The following FRMD6 variants were observed in gnomAD, a reference collection of about 807,000 sequenced individuals.
FRMD6 encodes the protein FERM domain-containing protein 6.
In FRMD6, 37 loss-of-function variants were observed where a neutral mutation model predicts 73.2. The observed-to-expected ratio is 0.51, with a 90% CI of 0.39 to 0.66. The LOEUF is 0.66. FRMD6 is among the 30% of genes least tolerant of loss of function. The pLI, the probability that FRMD6 is intolerant of heterozygous loss-of-function variation, is 0.00. For missense variants in FRMD6, 714 were observed against 780.5 expected (o/e 0.91, Z 1.02); for synonymous variants, 273 against 282.2 (o/e 0.97, Z 0.33).
At chr14:51,503,130 T>C (rs1193060407) in intron 1 of FRMD6, among the ~76,000 whole-genome samples, 1 of 152,244 alleles carries the variant, frequency 6.6e-6, no homozygotes, top group Non-Finnish European at 1.5e-5. Flanking sequence ...TATAGAATCA[T>C]ATCATCTGCA....
intron 1 of FRMD6, among the ~76,000 whole-genome samples, chr14:51,508,296 G>A (rs940114222): frequency 5.3e-5 from 8 of 152,228 alleles, no homozygotes; most frequent in African/African-American, 1.4e-4. Context: ...CCCAGAGGCC[G>A]GCACTGGCAG....
At chr14:51,483,942 G>A in the FRMD6 span, among the ~76,000 whole-genome samples, 1 of 152,126 alleles carries the variant, frequency 6.6e-6, no homozygotes, top group Admixed American at 6.6e-5. Context: ...CAGAGATTAA[G>A]TAACTCACCC....
the FRMD6 span, among the ~76,000 whole-genome samples, chr14:51,437,666 C>T: frequency 1.3e-5 from 2 of 152,022 alleles, no homozygotes; most frequent in Non-Finnish European, 1.5e-5. Flanking sequence ...TCCTTTTTCC[C>T]TTTTTTTTCC....
rs1886151049 is a variant in FRMD6 at position 51,540,569 on chromosome 14, G to C, written c.-209-29779G>C. On this transcript the variant is annotated intron_variant, in intron 1 of 14. Coordinates refer to the FRMD6 transcript ENST00000356218. ...AAATTGGACAGAATGTCTTAAATAAGATGATTCATGGCAAACTTGCTTTGC... is the reference window on the plus strand; with the variant it reads ...AAATTGGACAGAATGTCTTAAATAACATGATTCATGGCAAACTTGCTTTGC... Among the ~76,000 whole-genome samples, 4 of 152,108 alleles carry C rather than the reference G, an allele frequency of 2.6e-5. No individual in the cohort carries two copies. The South Asian group carries it at 8.3e-4, about 32-fold the overall frequency.
intron 2 of FRMD6, among the ~76,000 whole-genome samples, chr14:51,646,894 C>T (rs1393008060): frequency 6.6e-6 from 1 of 151,942 alleles, no homozygotes. Context: ...CAGTGTAATT[C>T]TCTACGATGG....
chr14:51,440,726 A>G, the FRMD6 span, among the ~76,000 whole-genome samples: 1 of 152,210 alleles, frequency 6.6e-6, no homozygotes, highest in South Asian at 2.1e-4. Flanking sequence ...GAGAGAAGCA[A>G]TAGTTGCCAA....
chr14:51,600,983 A>C (rs1890004580), intron 2 of FRMD6, among the ~76,000 whole-genome samples: 1 of 152,218 alleles, frequency 6.6e-6, no homozygotes, highest in Admixed American at 6.5e-5. Flanking sequence ...TGGGTGACTA[A>C]AGACAAAGAT....
At chr14:51,449,057 T>G in the FRMD6 span, among the ~76,000 whole-genome samples, 1 of 152,172 alleles carries the variant, frequency 6.6e-6, no homozygotes, top group Non-Finnish European at 1.5e-5. Context: ...CAGCCCATCA[T>G]GTTTCATTAA....
intron 1 of FRMD6, among the ~76,000 whole-genome samples, chr14:51,664,974 G>A (rs1893474412): frequency 6.6e-6 from 1 of 152,134 alleles, no homozygotes; most frequent in African/African-American, 2.4e-5. Flanking sequence ...AACTGAGCAA[G>A]TTTTGAAATA....
At chr14:51,585,009 T>G (rs1226514097) in intron 2 of FRMD6, among the ~76,000 whole-genome samples, 1 of 152,204 alleles carries the variant, frequency 6.6e-6, no homozygotes, top group Middle Eastern at 3.2e-3. Flanking sequence ...GCCCTTGGAA[T>G]GGTCCTTGCA....
chr14:51,536,522 A>T (rs1037325402), intron 1 of FRMD6, among the ~76,000 whole-genome samples: 1 of 151,880 alleles, frequency 6.6e-6, no homozygotes, highest in African/African-American at 2.4e-5. Flanking sequence ...GGTTCAAGCG[A>T]TTCTCCTGCC....
the FRMD6 span, among the ~76,000 whole-genome samples, chr14:51,415,817 G>A: frequency 3.9e-3 from 597 of 152,186 alleles, 2 homozygotes; most frequent in East Asian, 8.7e-3. Context: ...ATTAATTATT[G>A]CCCCAATTTC....
At chr14:51,645,831 A>C (rs538608073) in intron 2 of FRMD6, among the ~76,000 whole-genome samples, 2 of 152,320 alleles carry the variant, frequency 1.3e-5, no homozygotes, top group South Asian at 4.2e-4. Flanking sequence ...TGTTATGCTT[A>C]TAACCTACCC....
chr14:51,436,273 T>C, the FRMD6 span: 2 of 364,012 alleles, frequency 5.5e-6, no homozygotes, highest in South Asian at 6.2e-5. Flanking sequence ...CGTAAATAAT[T>C]TTCTCAGAAG....
intron 1 of FRMD6, among the ~76,000 whole-genome samples, chr14:51,498,633 C>A (rs536412310): frequency 8.5e-5 from 13 of 152,166 alleles, no homozygotes; most frequent in Non-Finnish European, 1.8e-4. Flanking sequence ...GCTCTTTCAT[C>A]CTTCAGGAGG....
At chr14:51,714,260 A>G (rs1897118922) in intron 9 of FRMD6, 1 of 151,986 alleles carries the variant, frequency 6.6e-6, no homozygotes, top group South Asian at 2.1e-4. Context: ...AGTTGTTACT[A>G]TTTCAGTATT....
intron 1 of FRMD6, among the ~76,000 whole-genome samples, chr14:51,489,637 T>G (rs1882880276): frequency 6.6e-6 from 1 of 152,178 alleles, no homozygotes; most frequent in South Asian, 2.1e-4. Context: ...GTACCTTGGG[T>G]TGTCCAATGT....
chr14:51,646,659 G>A (rs1892089282), intron 2 of FRMD6, among the ~76,000 whole-genome samples: 1 of 150,930 alleles, frequency 6.6e-6, no homozygotes, highest in Non-Finnish European at 1.5e-5. Context: ...CAGAATACAT[G>A]AGTTAAGTTT....
intron 2 of FRMD6, among the ~76,000 whole-genome samples, chr14:51,585,939 G>GTGTGTATA: frequency 3.2e-5 from 1 of 31,400 alleles, no homozygotes; most frequent in African/African-American, 6.8e-5. Context: ...GTGTGTGTGT[G>GTGTGTATA]TATATATATA....
Sources: allele counts gnomAD v4.1 joint callset (sites outside exome capture counted in the v4.1 genomes callset), GRCh38; gene constraint gnomAD v4.1.1; transcripts MANE v1.5; gene names NCBI Gene and HGNC (gene_info 2026-07-23, HGNC 2026-07-21).